The following CLNS1A variants were observed in gnomAD, a reference collection of about 807,000 sequenced individuals.
CLNS1A encodes the protein chloride nucleotide-sensitive channel 1A.
A neutral mutation model predicts 29.4 loss-of-function variants in CLNS1A; 16 were observed. That is an observed-to-expected ratio of 0.54 (90% CI 0.37 to 0.83). The LOEUF (loss-of-function observed/expected upper bound fraction) is 0.83. Among genes scored for constraint, CLNS1A ranks in the 40% least tolerant of loss-of-function variants. The pLI is 0.00. For missense variants in CLNS1A, 235 were observed against 287.4 expected (o/e 0.82, Z 1.32); for synonymous variants, 96 against 104.8 (o/e 0.92, Z 0.51).
At chr11:77,622,029 G>C in intron 5 of CLNS1A, 1 of 456,262 alleles carries the variant, frequency 2.2e-6, no homozygotes, top group Non-Finnish European at 4.4e-6. Context: ...TCTTGCTTTG[G>C]TGGGTGTGTG....
intron 1 of CLNS1A, among the ~76,000 whole-genome samples, chr11:77,635,783 A>G (rs1959118808): frequency 6.6e-6 from 1 of 152,248 alleles, no homozygotes; most frequent in African/African-American, 2.4e-5. Context: ...CTAGGAATGT[A>G]TCTGTGCTCC....
In CLNS1A at chr11:77,622,654, G is replaced by A. The variant is rs1171796868; in HGVS notation, c.492C>T (p.Ile164=). The A allele has an allele frequency of 6.2e-7, 1 of 1,603,362 alleles. No individual in the cohort carries two copies. The highest frequency in any genetic ancestry group is 8.5e-7 in the Non-Finnish European group (1 of 1,176,988). ...CTTCTTCATAGGTGTAAAATGTAGG[G>A]ATGTCCCCCTGTCCTTGTTCTAAAC... ...VEAHEQGQGD[I]PTFYTYEEGL... The change falls in exon 5 of 7, where the codon ATC becomes ATT. Residue 164 remains isoleucine (I), a synonymous_variant. Coordinates refer to ENST00000525428, the MANE Select transcript of CLNS1A (RefSeq NM_001293.3).
chr11:77,637,255 A>AAAAAAAAAAAAAG (rs1219976827), intron 1 of CLNS1A, among the ~76,000 whole-genome samples: 2 of 145,720 alleles, frequency 1.4e-5, no homozygotes, highest in African/African-American at 5.2e-5. Flanking sequence ...AAAAAAAAAA[A>AAAAAAAAAAAAAG]AAAAGAAAAT....
chr11:77,622,895 C>T (rs1958976847), intron 4 of CLNS1A, among the ~76,000 whole-genome samples: 1 of 150,844 alleles, frequency 6.6e-6, no homozygotes, highest in African/African-American at 2.4e-5. Flanking sequence ...TTGCAGTGAA[C>T]CGAGATCACG....
At chr11:77,627,038 G>GA (rs879666719) in intron 2 of CLNS1A, among the ~76,000 whole-genome samples, 1,450 of 133,404 alleles carry the variant, frequency 0.011, 17 homozygotes, top group African/African-American at 0.032. Context: ...ATGCCAAAGA[G>GA]AAAAAAAAAA....
At chr11:77,634,723 CAAAAAA>C (rs763196921) in intron 1 of CLNS1A, among the ~76,000 whole-genome samples, 8 of 54,104 alleles carry the variant, frequency 1.5e-4, no homozygotes, top group African/African-American at 5.8e-4. Context: ...GACTCTGTCT[CAAAAAA>C]AAAAAAAAAA....
intron 2 of CLNS1A, among the ~76,000 whole-genome samples, chr11:77,627,119 T>C (rs551223065): frequency 6.6e-6 from 1 of 151,312 alleles, no homozygotes; most frequent in East Asian, 1.9e-4. Context: ...ACATGTAATT[T>C]ATGAGAGGAG....
intron 4 of CLNS1A, among the ~76,000 whole-genome samples, chr11:77,624,266 A>G (rs1393492115): frequency 6.6e-6 from 1 of 151,918 alleles, no homozygotes; most frequent in Non-Finnish European, 1.5e-5. Context: ...CCCTGTTGCA[A>G]AATAATAATA....
intron 1 of CLNS1A, among the ~76,000 whole-genome samples, chr11:77,634,349 G>A (rs1383810651): frequency 3.9e-5 from 6 of 152,170 alleles, no homozygotes; most frequent in Admixed American, 3.9e-4. Flanking sequence ...TCCCTCAGAT[G>A]AAGAACGGCT....
chr11:77,621,294 AACACACACACAC>A (rs71854653), intron 5 of CLNS1A, among the ~76,000 whole-genome samples: 6 of 149,538 alleles, frequency 4.0e-5, no homozygotes, highest in East Asian at 2.0e-4. Context: ...CTCTGTCTCA[AACACACACACAC>A]ACACACACAC....
At position 77,624,993 on chromosome 11, in the gene CLNS1A, C is replaced by T. The variant is rs144382400; in HGVS notation, c.442G>A (p.Asp148Asn). Residue 148 changes from aspartate to asparagine, a missense_variant, in exon 4 of 7, where the codon GAT becomes AAT. Physicochemically the swap from Asp to Asn is conservative, Grantham distance 23 (BLOSUM62 1). Coordinates refer to ENST00000525428, the MANE Select transcript of CLNS1A (RefSeq NM_001293.3). The stretch of plus-strand genomic sequence containing the variant: ...GCTTCCACATCATATTCTTCTCCAT[C>T]GTAGTCATCTGAATCCTCATCCTCA... Reference protein sequence around the residue: ...DPEDEDSDDYDGEEYDVEAHE... With the variant: ...DPEDEDSDDYNGEEYDVEAHE... 31 of 1,613,306 alleles carry T rather than the reference C, an allele frequency of 1.9e-5. No individual in the cohort carries two copies. The highest frequency in any genetic ancestry group is 2.2e-5 in the East Asian group (1 of 44,890).
At chr11:77,635,465 C>T (rs35448330) in intron 1 of CLNS1A, among the ~76,000 whole-genome samples, 1,728 of 151,894 alleles carry the variant, frequency 0.011, 14 homozygotes, top group Non-Finnish European at 0.017. Context: ...GATTCTCCTG[C>T]CTCAGCCTCC....
chr11:77,637,342 A>G (rs938054752), intron 1 of CLNS1A, among the ~76,000 whole-genome samples: 12 of 147,908 alleles, frequency 8.1e-5, no homozygotes, highest in South Asian at 6.3e-4. Flanking sequence ...AAAAAAGAAA[A>G]AAAAAAAAAA....
intron 4 of CLNS1A, among the ~76,000 whole-genome samples, chr11:77,624,399 T>G: frequency 6.6e-6 from 1 of 152,214 alleles, no homozygotes; most frequent in East Asian, 1.9e-4. Flanking sequence ...ATCTACCATT[T>G]TCTTTCCTCC....
chr11:77,629,391 TTTTTTTTC>T (rs1206165689), intron 2 of CLNS1A, among the ~76,000 whole-genome samples: 1 of 151,550 alleles, frequency 6.6e-6, no homozygotes. Flanking sequence ...TCAAAGACTC[TTTTTTTTC>T]TTTTTTTTTT....
intron 2 of CLNS1A, among the ~76,000 whole-genome samples, chr11:77,627,983 G>A (rs1242318041): frequency 1.3e-5 from 2 of 152,048 alleles, no homozygotes; most frequent in South Asian, 2.1e-4. Context: ...CCGCCACCAC[G>A]CCCAGCTAAT....
chr11:77,621,071 CG>C (rs1347829395), intron 5 of CLNS1A, among the ~76,000 whole-genome samples: 2 of 150,540 alleles, frequency 1.3e-5, no homozygotes, highest in Non-Finnish European at 3.0e-5. Flanking sequence ...CTGAGGCGGG[CG>C]GATCACCTGA....
chr11:77,620,931 A>G (rs530653074), intron 5 of CLNS1A, among the ~76,000 whole-genome samples: 13 of 152,132 alleles, frequency 8.5e-5, no homozygotes, highest in African/African-American at 2.9e-4. Flanking sequence ...GAAGTAAGCC[A>G]AGATCATGCC....
chr11:77,630,356 C>T (rs554611834), intron 1 of CLNS1A, among the ~76,000 whole-genome samples: 7 of 152,292 alleles, frequency 4.6e-5, no homozygotes, highest in African/African-American at 1.4e-4. Context: ...TGTGAACTAT[C>T]GGACAGCAGA....
Sources: allele counts gnomAD v4.1 joint callset (sites outside exome capture counted in the v4.1 genomes callset), GRCh38; gene constraint gnomAD v4.1.1; transcripts MANE v1.5; gene names NCBI Gene and HGNC (gene_info 2026-07-23, HGNC 2026-07-21).